The following AXL variants were observed in gnomAD, a reference collection of about 807,000 sequenced individuals.
The protein encoded by AXL is AXL receptor tyrosine kinase.
AXL carries 52 observed loss-of-function variants against 104.5 expected under a neutral mutation model. The observed-to-expected ratio is 0.50, with a 90% confidence interval of 0.40 to 0.63. The LOEUF is 0.63. Ranked by LOEUF, AXL falls within the 20% of genes least tolerant of loss-of-function variation. The pLI, the probability that AXL is intolerant of heterozygous loss-of-function variation, is 0.00. For missense variants in AXL, 1,024 were observed against 1,188.5 expected (o/e 0.86, Z 2.04); for synonymous variants, 455 against 473.7 (o/e 0.96, Z 0.51).
chr19:41,247,731 G>T (rs1363904285), intron 12 of AXL, among the ~76,000 whole-genome samples: 1 of 151,772 alleles, frequency 6.6e-6, no homozygotes. Flanking sequence ...CTATAGGCGC[G>T]TACCACCACA....
At chr19:41,228,869 G>A (rs1469852976) in intron 4 of AXL, among the ~76,000 whole-genome samples, 4 of 152,140 alleles carry the variant, frequency 2.6e-5, no homozygotes, top group Non-Finnish European at 4.4e-5. Flanking sequence ...AAAGTAAAGC[G>A]GGAAGGGGAT....
intron 13 of AXL, 50 bp from the exon 14 acceptor site, chr19:41,248,693 C>G (rs941132988): frequency 1.2e-6 from 2 of 1,612,044 alleles, no homozygotes; most frequent in Non-Finnish European, 1.7e-6. Flanking sequence ...ATAGGAAATA[C>G]AGTCCCCACG....
At chr19:41,256,084 T>G (rs2034448107) in intron 17 of AXL, among the ~76,000 whole-genome samples, 1 of 151,844 alleles carries the variant, frequency 6.6e-6, no homozygotes, top group South Asian at 2.1e-4. Flanking sequence ...TACATGGGTG[T>G]GTGTGTGTGT....
intron 18 of AXL, 65 bp downstream of exon 18, chr19:41,256,676 G>A (rs1805812708): frequency 6.3e-7 from 1 of 1,584,466 alleles, no homozygotes; most frequent in African/African-American, 1.3e-5. Context: ...CACACACTAT[G>A]CCTGGGTGGC....
Position 41,230,937 on chromosome 19 carries a change from AT to A in AXL, c.587-28del, listed in dbSNP as rs754943364. 4.4e-6 allele frequency: 7 copies of A among 1,607,716 alleles called. No homozygotes were observed. In the African/African-American group the frequency reaches 9.4e-5, roughly 22 times the overall value. ...GGAGCCCTTCCTGCCCCTCTCTGAT[AT>A]TGGACCCTTCCCTCATATGACTCCC... is the stretch of plus-strand genomic sequence containing the variant. On this transcript the variant is annotated intron_variant, in intron 4 of 19. Coordinates refer to ENST00000301178, the MANE Select transcript of AXL (RefSeq NM_021913.5).
chr19:41,221,275 G>A (rs371995925), intron 3 of AXL, 29 bp downstream of exon 3: 167 of 1,596,902 alleles, frequency 1.0e-4, no homozygotes, highest in South Asian at 6.9e-4. Flanking sequence ...GGTCCTGAGG[G>A]GTCAGAGGAC....
intron 8 of AXL, 128 bp from the exon 9 acceptor site, chr19:41,239,036 G>A (rs768676798): frequency 2.5e-5 from 27 of 1,080,510 alleles, no homozygotes; most frequent in Non-Finnish European, 3.2e-5. Flanking sequence ...AGGGGAGGAC[G>A]AGGAAGGATG....
At chr19:41,242,283 A>C (rs1468663121) in intron 10 of AXL, among the ~76,000 whole-genome samples, 1 of 143,444 alleles carries the variant, frequency 7.0e-6, no homozygotes, top group Non-Finnish European at 1.5e-5. Flanking sequence ...TAAAAGTCTG[A>C]TGCTCTACCA....
intron 7 of AXL, 142 bp from the exon 8 acceptor site, chr19:41,238,328 C>T: frequency 6.8e-7 from 1 of 1,469,066 alleles, no homozygotes; most frequent in Non-Finnish European, 9.3e-7. Context: ...CAGCCCTTCT[C>T]TCCCCTGTGC....
chr19:41,223,809 G>A (rs1427854821), intron 4 of AXL, among the ~76,000 whole-genome samples: 3 of 151,980 alleles, frequency 2.0e-5, no homozygotes, highest in Non-Finnish European at 4.4e-5. Context: ...AGAGAAATGG[G>A]GGCTGCACAG....
intron 1 of AXL, 66 bp from the exon 2 acceptor site, chr19:41,220,570 G>A (rs930127492): frequency 1.4e-6 from 2 of 1,413,792 alleles, no homozygotes; most frequent in Non-Finnish European, 1.9e-6. Flanking sequence ...GGCAAGGACA[G>A]GGTGGAACTG....
chr19:41,229,003 G>A (rs1005287467), intron 4 of AXL, among the ~76,000 whole-genome samples: 3 of 150,144 alleles, frequency 2.0e-5, no homozygotes, highest in African/African-American at 4.9e-5. Context: ...AGGCTGGAGT[G>A]CAATGGCGTG....
At chr19:41,226,108 T>C (rs973175865) in intron 4 of AXL, among the ~76,000 whole-genome samples, 1 of 152,176 alleles carries the variant, frequency 6.6e-6, no homozygotes, top group African/African-American at 2.4e-5. Context: ...GGTGCGGCCG[T>C]TGGGGCCTGG....
Position 41,257,499 on chromosome 19 carries a change from T to G in AXL, c.2203T>G (p.Phe735Val). 4 of 1,614,164 alleles carry G rather than the reference T, an allele frequency of 2.5e-6. No individual in the cohort carries two copies. Among genetic ancestry groups the G allele is most frequent in the Non-Finnish European group, 3.4e-6 (4 of 1,180,016 alleles). The part of the protein sequence containing the change: ...VYTSKSDVWS[F>V]GVTMWEIATR... ...TTCCCTCTGCCCCTCACAGTGGTCC[T>G]TCGGGGTGACAATGTGGGAGATTGC... Residue 735 changes from phenylalanine (F) to valine (V), a missense_variant, in exon 19 of 20, where the codon TTC (phenylalanine) becomes GTC (valine). Transcript: ENST00000301178.
At chr19:41,243,532 G>A (rs2034218910) in intron 11 of AXL, 84 bp from the exon 12 acceptor site, 2 of 1,070,878 alleles carry the variant, frequency 1.9e-6, no homozygotes, top group Admixed American at 1.7e-5. Context: ...GCTTGAGGCT[G>A]AGATGGTGCT....
chr19:41,232,803 T>A (rs914515134), intron 6 of AXL, among the ~76,000 whole-genome samples: 5 of 152,070 alleles, frequency 3.3e-5, no homozygotes, highest in African/African-American at 1.2e-4. Flanking sequence ...CAATTTCTAC[T>A]GAGTGTCCGC....
At chr19:41,221,343 T>A in intron 3 of AXL, 97 bp downstream of exon 3, 1 of 1,065,668 alleles carries the variant, frequency 9.4e-7, no homozygotes. Flanking sequence ...GGTCAAAGGG[T>A]GCTGGAGGAT....
chr19:41,241,951 T>C (rs1353254791), intron 10 of AXL, among the ~76,000 whole-genome samples: 2 of 152,166 alleles, frequency 1.3e-5, no homozygotes, highest in Non-Finnish European at 2.9e-5. Context: ...TCATGCACCA[T>C]CCTACACTGC....
In AXL at chr19:41,252,419, C is replaced by T; in HGVS notation, c.1780C>T (p.His594Tyr). The T allele has an allele frequency of 6.2e-7, 1 of 1,613,904 alleles. No homozygotes were observed. The highest frequency in any genetic ancestry group is 8.5e-7 in the Non-Finnish European group (1 of 1,179,952). The change falls in exon 15 of 20, where the codon CAT (histidine) becomes TAT (tyrosine). Residue 594 changes from histidine (H) to tyrosine (Y), a missense_variant. This residue lies in a region of AXL where 523 missense variants were observed against 636.0 expected (regional missense o/e 0.82). Coordinates refer to ENST00000301178, the MANE Select transcript of AXL (RefSeq NM_021913.5). ...AGCGGTCTGCATGAAGGAATTTGAC[C>T]ATCCCAACGTCATGAGGCTCATCGG... ...SEAVCMKEFD[H>Y]PNVMRLIGVC... is the part of the protein sequence containing the mutation.
Sources: gnomAD v4.1 joint callset for allele counts (sites outside exome capture counted in the v4.1 genomes callset) on GRCh38, gnomAD v4.1.1 for gene constraint, gnomAD v4.1.1 regional missense constraint, MANE v1.5 for transcripts, NCBI Gene and HGNC (gene_info 2026-07-23, HGNC 2026-07-21) for gene names.